The following ARHGEF28 variants were observed in gnomAD, a reference collection of about 807,000 sequenced individuals.
ARHGEF28 encodes Rho guanine nucleotide exchange factor 28, also known as 190 kDa guanine nucleotide exchange factor.
ARHGEF28 carries 152 observed loss-of-function variants against 206.6 expected under a neutral mutation model. The ratio of observed to expected loss-of-function variants is 0.74; its 90% CI spans 0.64 to 0.84. The LOEUF (loss-of-function observed/expected upper bound fraction) is 0.84, where lower values mean the gene tolerates loss of function less well. Ranked by LOEUF, ARHGEF28 falls within the 40% of genes least tolerant of loss-of-function variation. The pLI is 0.00. For synonymous variants in ARHGEF28, 763 were observed against 776.4 expected (o/e 0.98, Z 0.29); for missense variants, 2,028 against 2,073.2 (o/e 0.98, Z 0.42).
chr5:73,845,423 T>A (rs1758273962), intron 11 of ARHGEF28, among the ~76,000 whole-genome samples: 1 of 152,056 alleles, frequency 6.6e-6, no homozygotes, highest in African/African-American at 2.4e-5. Context: ...CTGGGGCGGA[T>A]GGGTGGGACC....
chr5:73,851,587 AT>A, intron 13 of ARHGEF28, among the ~76,000 whole-genome samples: 1 of 152,214 alleles, frequency 6.6e-6, no homozygotes, highest in Non-Finnish European at 1.5e-5. Context: ...GGGGTTCAGC[AT>A]TTAAGAATTT....
At chr5:73,733,914 A>AG (rs1430891801) in intron 2 of ARHGEF28, among the ~76,000 whole-genome samples, 3 of 152,136 alleles carry the variant, frequency 2.0e-5, no homozygotes, top group African/African-American at 7.2e-5. Context: ...GCAGAAGGTG[A>AG]AGGGGGAGCA....
intron 7 of ARHGEF28, among the ~76,000 whole-genome samples, chr5:73,789,538 A>G (rs1754341747): frequency 6.6e-6 from 1 of 152,070 alleles, no homozygotes; most frequent in Non-Finnish European, 1.5e-5. Flanking sequence ...TGAAGTGTAT[A>G]CTCTAAATGG....
At chr5:73,628,962 T>C (rs1743185361) in intron 1 of ARHGEF28, among the ~76,000 whole-genome samples, 1 of 152,230 alleles carries the variant, frequency 6.6e-6, no homozygotes, top group Non-Finnish European at 1.5e-5. Flanking sequence ...CAAGGCAGTG[T>C]CACTCTACTA....
intron 1 of ARHGEF28, among the ~76,000 whole-genome samples, chr5:73,629,334 C>CA (rs199636540): frequency 0.011 from 1,593 of 151,394 alleles, 30 homozygotes; most frequent in African/African-American, 0.036. Flanking sequence ...CCTGTCTCTA[C>CA]AAAAAAAATA....
chr5:73,928,976 C>T (rs1271753012), intron 35 of ARHGEF28, among the ~76,000 whole-genome samples: 1 of 152,126 alleles, frequency 6.6e-6, no homozygotes, highest in Non-Finnish European at 1.5e-5. Context: ...CGCTCTGTCA[C>T]CCATGCTGGA....
intron 1 of ARHGEF28, among the ~76,000 whole-genome samples, chr5:73,661,333 A>G (rs954797690): frequency 6.6e-6 from 1 of 152,150 alleles, no homozygotes; most frequent in African/African-American, 2.4e-5. Context: ...ATTAGGCTTT[A>G]GCTTAAGGGA....
At chr5:73,719,771 T>C (rs529507883) in intron 2 of ARHGEF28, among the ~76,000 whole-genome samples, 1 of 152,378 alleles carries the variant, frequency 6.6e-6, no homozygotes, top group East Asian at 1.9e-4. Context: ...CTGTAGTATG[T>C]AAATATGCGC....
At chr5:73,878,793 C>T (rs960655057) in intron 22 of ARHGEF28, among the ~76,000 whole-genome samples, 3 of 151,030 alleles carry the variant, frequency 2.0e-5, no homozygotes, top group East Asian at 1.9e-4. Context: ...CCGAGAGATC[C>T]GCTGTTAGTC....
chr5:73,777,437 A>G (rs75325193), intron 6 of ARHGEF28, among the ~76,000 whole-genome samples: 1,964 of 152,244 alleles, frequency 0.013, 53 homozygotes, highest in African/African-American at 0.044. Context: ...ACATTCCTTC[A>G]CAAGACACAG....
intron 2 of ARHGEF28, among the ~76,000 whole-genome samples, chr5:73,693,369 A>G (rs1747968321): frequency 6.6e-6 from 1 of 151,950 alleles, no homozygotes; most frequent in Non-Finnish European, 1.5e-5. Context: ...CTTTTATCTC[A>G]CTAGAGGATG....
intron 2 of ARHGEF28, among the ~76,000 whole-genome samples, chr5:73,737,094 T>C (rs1750986364): frequency 6.6e-6 from 1 of 152,134 alleles, no homozygotes; most frequent in African/African-American, 2.4e-5. Flanking sequence ...ACCCCCACTT[T>C]ATGATGTGTT....
rs143551899 is a variant in ARHGEF28 at position 73,686,134 on chromosome 5, T to C, written c.33+1250T>C. Among the ~76,000 whole-genome samples the C allele has an allele frequency of 7.0e-3, 1,059 of 152,194 alleles. 7 individuals carry two copies. Among genetic ancestry groups the C allele is most frequent in the African/African-American group, 0.023 (971 of 41,522 alleles). On this transcript the variant is annotated intron_variant, in intron 2 of 35. Coordinates refer to ENST00000513042, the MANE Select transcript of ARHGEF28 (RefSeq NM_001177693.2). ...TGAGTTGCCCAGTGATCTCTAGTAC[T>C]CTCTCTAGGTTGTGATTTTCAGGCC...
intron 2 of ARHGEF28, among the ~76,000 whole-genome samples, chr5:73,685,441 A>G (rs1747401425): frequency 6.6e-6 from 1 of 152,082 alleles, no homozygotes; most frequent in Non-Finnish European, 1.5e-5. Context: ...TTCCTCACAC[A>G]GAAAATGGCA....
chr5:73,931,247 C>A (rs1273111457), intron 35 of ARHGEF28, among the ~76,000 whole-genome samples: 1 of 152,158 alleles, frequency 6.6e-6, no homozygotes, highest in African/African-American at 2.4e-5. Flanking sequence ...TTGTTTGTAA[C>A]CTGTTCTTAC....
chr5:73,885,478 T>TC (rs1250702580), intron 24 of ARHGEF28, among the ~76,000 whole-genome samples: 2 of 148,162 alleles, frequency 1.3e-5, no homozygotes, highest in African/African-American at 5.1e-5. Flanking sequence ...GATTTAATTT[T>TC]TTTTTTTTTT....
chr5:73,653,277 C>T (rs1744946745), intron 1 of ARHGEF28, among the ~76,000 whole-genome samples: 4 of 152,142 alleles, frequency 2.6e-5, no homozygotes, highest in African/African-American at 9.7e-5. Context: ...TTTCAGGTTA[C>T]ATATACAAAA....
intron 2 of ARHGEF28, among the ~76,000 whole-genome samples, chr5:73,735,160 C>A (rs76783438): frequency 0.025 from 3,729 of 151,706 alleles, 149 homozygotes; most frequent in African/African-American, 0.083. Context: ...TTTTAGTAAT[C>A]TCTGAGTAGC....
intron 30 of ARHGEF28, 38 bp from the exon 31 acceptor site, chr5:73,901,146 C>T: frequency 6.3e-7 from 1 of 1,577,148 alleles, no homozygotes; most frequent in Non-Finnish European, 8.7e-7. Flanking sequence ...ATGTTTGACG[C>T]TGTCCTTTTT....
Sources: allele counts gnomAD v4.1 joint callset (sites outside exome capture counted in the v4.1 genomes callset), GRCh38; gene constraint gnomAD v4.1.1; transcripts MANE v1.5; gene names NCBI Gene and HGNC (gene_info 2026-07-23, HGNC 2026-07-21).